The following RC3H1 variants were observed in gnomAD, a reference collection of about 807,000 sequenced individuals.
The protein encoded by RC3H1 is ring finger and CCCH-type domains 1.
RC3H1 carries 50 observed loss-of-function variants against 138.2 expected under a neutral mutation model. The observed-to-expected ratio is 0.36, with a 90% confidence interval of 0.29 to 0.46. The LOEUF (loss-of-function observed/expected upper bound fraction) is 0.46, where lower values mean the gene tolerates loss of function less well. RC3H1 is among the 20% of genes least tolerant of loss of function. The pLI is 1.00. For synonymous variants in RC3H1, 462 were observed against 489.1 expected (o/e 0.94, Z 0.73); for missense variants, 1,031 against 1,388.1 (o/e 0.74, Z 4.09).
At chr1:173,942,428 C>CAAAAAAAAAAAAAAAAAAAAAA (rs60694243) in intron 18 of RC3H1, among the ~76,000 whole-genome samples, 17 of 38,080 alleles carry the variant, frequency 4.5e-4, no homozygotes, top group African/African-American at 2.3e-3. Context: ...GACTCAGTCT[C>CAAAAAAAAAAAAAAAAAAAAAA]AAAAAAAAAA....
At chr1:173,951,635 G>C (rs746485597) in intron 14 of RC3H1, among the ~76,000 whole-genome samples, 13 of 152,004 alleles carry the variant, frequency 8.6e-5, no homozygotes, top group Non-Finnish European at 1.6e-4. Context: ...CTGGCCTCCC[G>C]GGTTCATGCC....
In RC3H1 at chr1:173,941,385, G is replaced by A; in HGVS notation, c.3136-5C>T. ...GTCCAGAGAACACTGGTTTTCCTTTGAAAGAGAAGGAAATAAAATCAGTTA... is the reference window on the plus strand; with the variant it reads ...GTCCAGAGAACACTGGTTTTCCTTTAAAAGAGAAGGAAATAAAATCAGTTA... On this transcript the variant is annotated splice_region_variant and splice_polypyrimidine_tract_variant and intron_variant, in intron 18 of 19. Coordinates refer to ENST00000367696, the MANE Select transcript of RC3H1 (RefSeq NM_172071.4). The A allele has an allele frequency of 1.3e-6, 2 of 1,544,842 alleles. No homozygotes were observed. The highest frequency in any genetic ancestry group is 1.8e-6 in the Non-Finnish European group (2 of 1,117,642).
intron 1 of RC3H1, among the ~76,000 whole-genome samples, chr1:174,011,620 C>T (rs1241470280): frequency 2.6e-5 from 4 of 151,020 alleles, no homozygotes; most frequent in Non-Finnish European, 4.4e-5. Context: ...ATAAGCAGTA[C>T]GATTATTTTT....
intron 12 of RC3H1, 128 bp downstream of exon 12, chr1:173,961,597 T>C (rs984812836): frequency 1.1e-6 from 1 of 897,634 alleles, no homozygotes; most frequent in Non-Finnish European, 1.6e-6. Flanking sequence ...TGAAAAGATT[T>C]AAAAAAAAAA....
chr1:173,984,214 C>T (rs924591703), intron 3 of RC3H1, among the ~76,000 whole-genome samples: 8 of 152,154 alleles, frequency 5.3e-5, no homozygotes, highest in Non-Finnish European at 1.2e-4. Flanking sequence ...TCCATCATCA[C>T]ATAAACTAAA....
chr1:174,001,699 G>GATT lies in RC3H1; in HGVS notation c.-150-8567_-150-8565dup, dbSNP rs1304581655. ...CAGCCTCAGCCTCCCAAAGTGCAGG[G>GATT]ATTATATAGGCATGAGCCACCACGC... On this transcript the variant is annotated intron_variant, in intron 1 of 19. Coordinates refer to ENST00000367696, the MANE Select transcript of RC3H1 (RefSeq NM_172071.4). Among the ~76,000 whole-genome samples the GATT allele has an allele frequency of 3.3e-4, 50 of 152,232 alleles. No homozygotes were observed. In the East Asian group the frequency reaches 8.9e-3, roughly 27 times the overall value.
At chr1:173,990,791 A>G (rs941395784) in intron 2 of RC3H1, among the ~76,000 whole-genome samples, 1 of 151,552 alleles carries the variant, frequency 6.6e-6, no homozygotes, top group Non-Finnish European at 1.5e-5. Context: ...TTTAGTAGAG[A>G]CAGGGTTTCA....
intron 2 of RC3H1, among the ~76,000 whole-genome samples, chr1:173,986,478 C>G (rs960040206): frequency 3.9e-5 from 6 of 152,298 alleles, no homozygotes; most frequent in African/African-American, 1.4e-4. Flanking sequence ...GGAGGTCCCA[C>G]TACATTGCCC....
rs902366932 is a variant in RC3H1 at position 173,937,592 on chromosome 1, T to C, written c.*1129A>G. 3 of 152,218 alleles carry C rather than the reference T, an allele frequency of 2.0e-5. No individual in the cohort carries two copies. The highest frequency in any genetic ancestry group is 7.2e-5 in the African/African-American group (3 of 41,428). The allele number at this position is 152,218 out of a possible 1,614,324, so 9.4% of individuals were successfully genotyped here. A position where few individuals can be genotyped will look rare whatever the true frequency, so the allele number is the denominator to read the frequency against. The stretch of plus-strand genomic sequence containing the variant: ...TTGCAACATTGGACAGTTAAGTCTA[T>C]GAAAAATGACTTCAAACTATTTCCT... On this transcript the variant is annotated 3_prime_UTR_variant, in exon 20 of 20. Coordinates refer to ENST00000367696, the MANE Select transcript of RC3H1 (RefSeq NM_172071.4).
Position 174,017,156 on chromosome 1 carries a change from T to G in RC3H1, c.-151+4940A>C, listed in dbSNP as rs1661875301. Among the ~76,000 whole-genome samples, 3 of 152,232 alleles carry G rather than the reference T, an allele frequency of 2.0e-5. No individual in the cohort carries two copies. In the South Asian group the frequency reaches 6.2e-4, roughly 31 times the overall value. ...CCAGTGTAACTTCAAATAAATCCTT[T>G]GTGAATATTCCTAGTTTCTTCTATA... is the stretch of plus-strand genomic sequence containing the variant. On this transcript the variant is annotated intron_variant, in intron 1 of 19. Coordinates refer to ENST00000367696, the MANE Select transcript of RC3H1 (RefSeq NM_172071.4).
At chr1:173,938,943 A>G (rs2102829165) in intron 19 of RC3H1, 72 bp from the exon 20 acceptor site, 1 of 1,135,294 alleles carries the variant, frequency 8.8e-7, no homozygotes, top group Non-Finnish European at 1.2e-6. Flanking sequence ...AACAGGGGAT[A>G]TAATTTAGCA....
intron 2 of RC3H1, among the ~76,000 whole-genome samples, chr1:173,986,675 G>A (rs1474406677): frequency 6.6e-6 from 1 of 152,164 alleles, no homozygotes; most frequent in Non-Finnish European, 1.5e-5. Context: ...AGATTCTCAT[G>A]CCTCAGCCTC....
rs768778201 is a variant in RC3H1, at chr1:173,962,014, T to C, written c.1913A>G (p.Tyr638Cys). 73 of 1,613,758 alleles carry C rather than the reference T, an allele frequency of 4.5e-5. No homozygotes were observed. The highest frequency in any genetic ancestry group is 6.1e-5 in the Non-Finnish European group (72 of 1,179,952). ...PPSAPEPAPP[Y>C]LDHYPPYLQE... ...GAGGTAGGGTGGATAATGATCCAAGTAGGGAGGAGCAGGTTCAGGAGCAGA... is the reference window on the plus strand; with the variant it reads ...GAGGTAGGGTGGATAATGATCCAAGCAGGGAGGAGCAGGTTCAGGAGCAGA... Residue 638 changes from tyrosine (Y) to cysteine (C), a missense_variant, in exon 12 of 20, where the codon TAC becomes TGC. This residue lies in a region of RC3H1 where 716 missense variants were observed against 837.9 expected (regional missense o/e 0.85). Transcript: ENST00000367696.
At chr1:173,940,627 A>T (rs1364429548) in intron 19 of RC3H1, among the ~76,000 whole-genome samples, 1 of 144,660 alleles carries the variant, frequency 6.9e-6, no homozygotes, top group Non-Finnish European at 1.5e-5. Context: ...TGGGGGAGTG[A>T]CTTTATTTTT....
chr1:174,020,623 A>ATTT (rs1325733538), intron 1 of RC3H1, among the ~76,000 whole-genome samples: 1 of 152,230 alleles, frequency 6.6e-6, no homozygotes, highest in Non-Finnish European at 1.5e-5. Flanking sequence ...AGCGATTTTA[A>ATTT]TATAAATTTC....
intron 2 of RC3H1, among the ~76,000 whole-genome samples, chr1:173,987,131 C>G (rs1661059982): frequency 1.3e-5 from 2 of 152,166 alleles, no homozygotes; most frequent in Admixed American, 1.3e-4. Flanking sequence ...ATTTGAACAG[C>G]TGGTTTAGTC....
chr1:173,952,265 AATG>A (rs931375831), intron 13 of RC3H1, 127 bp from the exon 14 acceptor site: 3 of 512,466 alleles, frequency 5.9e-6, no homozygotes, highest in African/African-American at 2.0e-5. Flanking sequence ...GAAGCAACAT[AATG>A]ATGATTATTT....
Position 173,947,399 on chromosome 1 carries a change from C to T in RC3H1, c.2707G>A (p.Gly903Arg). The T allele has an allele frequency of 6.2e-7, 1 of 1,613,708 alleles. No homozygotes were observed. The highest frequency in any genetic ancestry group is 2.2e-5 in the East Asian group (1 of 44,880). ...AGPMQAMAPQ[G>R]APTKSINISD... is the part of the protein sequence containing the mutation. ...ATGTTAATAGATTTTGTAGGAGCTC[C>T]CTGAGGTGCCATAGCCTGCATTGGA... The change falls in exon 15 of 20, where the codon GGA becomes AGA. Residue 903 changes from glycine to arginine, a missense_variant. Transcript: ENST00000367696.
chr1:173,998,632 A>C (rs898547573), intron 1 of RC3H1, among the ~76,000 whole-genome samples: 1 of 152,242 alleles, frequency 6.6e-6, no homozygotes, highest in African/African-American at 2.4e-5. Flanking sequence ...GCTACAGTAC[A>C]GAATATCACA....
Sources: allele counts gnomAD v4.1 joint callset (sites outside exome capture counted in the v4.1 genomes callset), GRCh38; gene constraint gnomAD v4.1.1; regional missense constraint gnomAD v4.1.1; transcripts MANE v1.5; gene names NCBI Gene and HGNC (gene_info 2026-07-23, HGNC 2026-07-21).